The following PTGDR2 variants were observed in gnomAD, a reference collection of about 807,000 sequenced individuals.
PTGDR2 encodes the protein G-protein coupled receptor 44.
For synonymous variants in PTGDR2, 276 were observed against 278.4 expected (o/e 0.99, Z 0.09); for missense variants, 544 against 576.6 (o/e 0.94, Z 0.58).
At chr11:60,855,130 C>A (rs1273647522) in intron 1 of PTGDR2, among the ~76,000 whole-genome samples, 1 of 152,150 alleles carries the variant, frequency 6.6e-6, no homozygotes, top group Admixed American at 6.5e-5. Context: ...GCCTGTGCTT[C>A]CTGAGAATGG....
Position 60,852,215 on chromosome 11 carries a change from C to T in PTGDR2, c.*320G>A. ...TCACTTTGTGTTACTCCAGGCCTCG[C>T]CTGTGAACCTGCCGCACTGGCTTCT... On this transcript the variant is annotated 3_prime_UTR_variant, in exon 2 of 2. Coordinates refer to ENST00000332539, the MANE Select transcript of PTGDR2 (RefSeq NM_004778.3). 1 of 322,314 alleles carries T rather than the reference C, an allele frequency of 3.1e-6. No individual in the cohort carries two copies. The highest frequency in any genetic ancestry group is 5.0e-5 in the Admixed American group (1 of 20,188). 20.0% of individuals were successfully genotyped at this position (322,314 alleles called of 1,614,324 possible). A position where few individuals can be genotyped will look rare whatever the true frequency, so the allele number is the denominator to read the frequency against.
rs1423320134 is a variant in PTGDR2, at chr11:60,851,355, C to T, written c.*1180G>A. 1 of 152,284 alleles carries T rather than the reference C, an allele frequency of 6.6e-6. No homozygotes were observed. Among genetic ancestry groups the T allele is most frequent in the Non-Finnish European group, 1.5e-5 (1 of 68,062 alleles). 9.4% of individuals were successfully genotyped at this position (152,284 alleles called of 1,614,324 possible). ...TGACACCAACTTTTCGGTCCCTGGG[C>T]TGCAGAGCTCAAACACAGCAGTCTC... On this transcript the variant is annotated 3_prime_UTR_variant, in exon 2 of 2. Transcript: ENST00000332539.
chr11:60,853,843 T>C, intron 1 of PTGDR2, 112 bp from the exon 2 acceptor site: 1 of 805,516 alleles, frequency 1.2e-6, no homozygotes, highest in South Asian at 1.8e-5. Context: ...GACCCACGAA[T>C]ATATTGGGCG....
chr11:60,852,666 G>A lies in PTGDR2; in HGVS notation c.1057C>T (p.Pro353Ser). 7.2e-7 allele frequency: 1 copy of A among 1,394,178 alleles called. No individual in the cohort carries two copies. Among genetic ancestry groups the A allele is most frequent in the Non-Finnish European group, 9.4e-7 (1 of 1,067,088 alleles). The allele number at this position is 1,394,178 out of a possible 1,614,324, so 86.4% of individuals were successfully genotyped here. ...RTSSTARSASPLALCSRPEEP... is the reference protein window; with the variant it reads ...RTSSTARSASSLALCSRPEEP... ...TCCGGGCGGCTGCAGAGAGCTAAAGGGGAGGCCGAGCGGGCGGTGGAGGAG... is the reference window on the plus strand; with the variant it reads ...TCCGGGCGGCTGCAGAGAGCTAAAGAGGAGGCCGAGCGGGCGGTGGAGGAG... The change falls in exon 2 of 2, where the codon CCT (proline) becomes TCT (serine). Residue 353 changes from proline to serine, a missense_variant. Physicochemically the swap from Pro to Ser is moderately conservative, Grantham distance 74. Transcript: ENST00000332539.
chr11:60,855,491 A>C (rs1161758110), intron 1 of PTGDR2, among the ~76,000 whole-genome samples: 1 of 54,318 alleles, frequency 1.8e-5, no homozygotes, highest in African/African-American at 8.0e-5. Flanking sequence ...GCAGGTTAAG[A>C]AAAAAAAAAA....
chr11:60,853,342 C>A lies in PTGDR2; in HGVS notation c.381G>T (p.Leu127=). The A allele has an allele frequency of 6.2e-7, 1 of 1,609,514 alleles. No homozygotes were observed. The highest frequency in any genetic ancestry group is 2.2e-5 in the East Asian group (1 of 44,694). The change falls in exon 2 of 2, where the codon CTG becomes CTT. Residue 127 remains leucine (L), a synonymous_variant. Transcript: ENST00000332539. ...GCCGCACCACCTGCAGGCAGCGGTCCAGGCTGATGGCGCTGAGCAGGAAGC... is the reference window on the plus strand; with the variant it reads ...GCCGCACCACCTGCAGGCAGCGGTCAAGGCTGATGGCGCTGAGCAGGAAGC... ...ASGFLLSAIS[L]DRCLQVVRPV...
At position 60,852,723 on chromosome 11, in the gene PTGDR2, C is replaced by A; in HGVS notation, c.1000G>T (p.Gly334Cys). 1 of 1,472,158 alleles carries A rather than the reference C, an allele frequency of 6.8e-7. No individual in the cohort carries two copies. The highest frequency in any genetic ancestry group is 9.1e-7 in the Non-Finnish European group (1 of 1,102,340). 91.2% of individuals were successfully genotyped at this position (1,472,158 alleles called of 1,614,324 possible). Residue 334 changes from glycine to cysteine, a missense_variant, in exon 2 of 2, where the codon GGT becomes TGT. Coordinates refer to ENST00000332539, the MANE Select transcript of PTGDR2 (RefSeq NM_004778.3). ...CGGCGGCGGCTGCTTCCCGCGCCACCCAGCTCGCTGTCGTCCACCAGCACG... is the reference window on the plus strand; with the variant it reads ...CGGCGGCGGCTGCTTCCCGCGCCACACAGCTCGCTGTCGTCCACCAGCACG... ...ESVLVDDSELGGAGSSRRRRT... is the reference protein window; with the variant it reads ...ESVLVDDSELCGAGSSRRRRT...
intron 1 of PTGDR2, among the ~76,000 whole-genome samples, chr11:60,855,458 C>G (rs1590580916): frequency 6.9e-6 from 1 of 144,104 alleles, no homozygotes. Flanking sequence ...TCTCAGGAGC[C>G]AAGCAGCTAA....
chr11:60,853,679 T>C lies in PTGDR2; in HGVS notation c.44A>G (p.Glu15Gly). Residue 15 changes from glutamate to glycine, a missense_variant, in exon 2 of 2, where the codon GAG becomes GGG. By Grantham distance (98) the Glu-to-Gly change is moderately conservative. Transcript: ENST00000332539. ...GTGGCTCTGGAGACGGCTCATCTGC[T>C]CCAGGATGGGGCAGAGTGGCTTCAG... ...ATLKPLCPILEQMSRLQSHSN... is the reference protein window; with the variant it reads ...ATLKPLCPILGQMSRLQSHSN... 1 of 1,557,162 alleles carries C rather than the reference T, an allele frequency of 6.4e-7. No homozygotes were observed. The highest frequency in any genetic ancestry group is 8.7e-7 in the Non-Finnish European group (1 of 1,150,986).
intron 1 of PTGDR2, among the ~76,000 whole-genome samples, chr11:60,853,941 G>A (rs1037661177): frequency 1.1e-4 from 16 of 152,194 alleles, no homozygotes; most frequent in Non-Finnish European, 2.2e-4. Context: ...TCTGAAACTT[G>A]GATGTCAGTC....
In PTGDR2 at chr11:60,853,323, C is replaced by G; in HGVS notation, c.400G>C (p.Val134Leu). Residue 134 changes from valine (V) to leucine (L), a missense_variant, in exon 2 of 2, where the codon GTG (valine) becomes CTG (leucine). Physicochemically the swap from Val to Leu is conservative, Grantham distance 32. Transcript: ENST00000332539. ...AISLDRCLQV[V>L]RPVWAQNHRT... ...TGGTTCTGCGCCCACACCGGCCGCA[C>G]CACCTGCAGGCAGCGGTCCAGGCTG... is the stretch of plus-strand genomic sequence containing the variant. 6.2e-7 allele frequency: 1 copy of G among 1,610,780 alleles called. No homozygotes were observed. The highest frequency in any genetic ancestry group is 8.5e-7 in the Non-Finnish European group (1 of 1,178,858).
chr11:60,851,161 T>G lies in PTGDR2; in HGVS notation c.*1374A>C, dbSNP rs1389480794. 6.6e-6 allele frequency: 1 copy of G among 152,264 alleles called. No individual in the cohort carries two copies. 9.4% of individuals were successfully genotyped at this position (152,264 alleles called of 1,614,324 possible). A position where few individuals can be genotyped will look rare whatever the true frequency, so the allele number is the denominator to read the frequency against. The stretch of plus-strand genomic sequence containing the variant: ...GCAGGGGCGAGGTGTCAACACAGGG[T>G]GGCTCTGCAGCTAGCTGGGCACCTC... On this transcript the variant is annotated 3_prime_UTR_variant, in exon 2 of 2. Coordinates refer to ENST00000332539, the MANE Select transcript of PTGDR2 (RefSeq NM_004778.3).
At position 60,852,805 on chromosome 11, in the gene PTGDR2, G is replaced by T; in HGVS notation, c.918C>A (p.Leu306=). The part of the protein sequence containing the change: ...NSVANPVLYV[L]TCPDMLRKLR... ...GCTTGCGCAGCATGTCGGGGCAGGT[G>T]AGCACGTAGAGCACCGGGTTGGCCA... is the stretch of plus-strand genomic sequence containing the variant. Residue 306 remains leucine (L), a synonymous_variant, in exon 2 of 2, where the codon CTC becomes CTA. Transcript: ENST00000332539. 1 of 1,558,140 alleles carries T rather than the reference G, an allele frequency of 6.4e-7. No individual in the cohort carries two copies. The highest frequency in any genetic ancestry group is 8.7e-7 in the Non-Finnish European group (1 of 1,152,450).
In PTGDR2 at chr11:60,852,707, C is replaced by G. The variant is rs1855290209; in HGVS notation, c.1016G>C (p.Ser339Thr). The change falls in exon 2 of 2, where the codon AGC (serine) becomes ACC (threonine). Residue 339 changes from serine to threonine, a missense_variant. Transcript: ENST00000332539. ...GGTGGAGGAGGTGCGGCGGCGGCGG[C>G]TGCTTCCCGCGCCACCCAGCTCGCT... ...DDSELGGAGS[S>T]RRRRTSSTAR... is the part of the protein sequence containing the mutation. The G allele has an allele frequency of 6.9e-7, 1 of 1,451,150 alleles. No homozygotes were observed. Among genetic ancestry groups the G allele is most frequent in the Non-Finnish European group, 9.2e-7 (1 of 1,092,534 alleles). The allele number at this position is 1,451,150 out of a possible 1,614,324, so 89.9% of individuals were successfully genotyped here. A position where few individuals can be genotyped will look rare whatever the true frequency, so the allele number is the denominator to read the frequency against.
In PTGDR2 at chr11:60,853,286, G is replaced by C; in HGVS notation, c.437C>G (p.Ala146Gly). 6.2e-7 allele frequency: 1 copy of C among 1,611,954 alleles called. No individual in the cohort carries two copies. The highest frequency in any genetic ancestry group is 8.5e-7 in the Non-Finnish European group (1 of 1,179,216). Residue 146 changes from alanine (A) to glycine (G), a missense_variant, in exon 2 of 2, where the codon GCC (alanine) becomes GGC (glycine). Physicochemically the swap from Ala to Gly is moderately conservative, Grantham distance 60. Transcript: ENST00000332539. The part of the protein sequence containing the change: ...PVWAQNHRTV[A>G]AAHKVCLVLW... ...CACCAGGCAGACTTTGTGCGCCGCG[G>C]CCACGGTGCGGTGGTTCTGCGCCCA...
intron 1 of PTGDR2, among the ~76,000 whole-genome samples, chr11:60,855,050 A>T (rs2134811472): frequency 6.6e-6 from 1 of 152,338 alleles, no homozygotes; most frequent in Non-Finnish European, 1.5e-5. Flanking sequence ...GGGTTCTGGA[A>T]TATCAAACTA....
At chr11:60,855,788 C>T (rs893103120) in intron 1 of PTGDR2, 81 bp downstream of exon 1, 2 of 152,370 alleles carry the variant, frequency 1.3e-5, no homozygotes, top group South Asian at 2.1e-4. Flanking sequence ...TAACAGCCCT[C>T]TCACCTGGTA....
rs2428461 is a variant in PTGDR2, at chr11:60,853,117, C to G, written c.606G>C (p.Arg202=). Residue 202 remains arginine (R), a synonymous_variant, in exon 2 of 2, where the codon CGG becomes CGC. Transcript: ENST00000332539. ...GPDRDATCNS[R]QVALAVSKFL... is the part of the protein sequence containing the mutation. ...ACTTGCTGACGGCCAGGGCCACCTG[C>G]CGCGAGTTGCACGTGGCATCGCGGT... 1,601,426 of 1,605,306 alleles carry G rather than the reference C, an allele frequency of 1. 798,843 individuals are homozygous for G. Among genetic ancestry groups the G allele is most frequent in the East Asian group, 1 (44,804 of 44,804 alleles).
Position 60,852,103 on chromosome 11 carries a change from T to G in PTGDR2, c.*432A>C. 3 of 170,882 alleles carry G rather than the reference T, an allele frequency of 1.8e-5. No individual in the cohort carries two copies. Among genetic ancestry groups the G allele is most frequent in the Non-Finnish European group, 2.5e-5 (2 of 80,798 alleles). 10.6% of individuals were successfully genotyped at this position (170,882 alleles called of 1,614,324 possible). On this transcript the variant is annotated 3_prime_UTR_variant, in exon 2 of 2. Coordinates refer to ENST00000332539, the MANE Select transcript of PTGDR2 (RefSeq NM_004778.3). ...ATAAAACTCCTTCCCCCCTCCCCCA[T>G]CATCTGGTAAAACTGAACTCCGGGG...
Sources: gnomAD v4.1 joint callset for allele counts (sites outside exome capture counted in the v4.1 genomes callset) on GRCh38, gnomAD v4.1.1 for gene constraint, MANE v1.5 for transcripts, NCBI Gene and HGNC (gene_info 2026-07-23, HGNC 2026-07-21) for gene names.